KPNB1: variants seen among roughly 807,000 people sequenced by gnomAD.
The protein encoded by KPNB1 is importin subunit beta-1.
Under a neutral mutation model 113.0 loss-of-function variants are expected in KPNB1, and 7 were observed. That is an observed-to-expected ratio of 0.06 (90% CI 0.04 to 0.12). The LOEUF (loss-of-function observed/expected upper bound fraction) is 0.12. KPNB1 is among the 10% of genes least tolerant of loss of function. The pLI is 1.00. For synonymous variants in KPNB1, 363 were observed against 378.6 expected, an observed-to-expected ratio of 0.96 and a Z score of 0.48; for missense variants, 400 against 1,054.8, an observed-to-expected ratio of 0.38 and a Z score of 8.60.
At position 47,664,556 on chromosome 17, in the gene KPNB1, A is replaced by T. The variant is rs1476314084; in HGVS notation, c.897+287A>T. Among the ~76,000 whole-genome samples, 8 of 152,180 alleles carry T rather than the reference A, an allele frequency of 5.3e-5. 1 individual carries two copies. On this transcript the variant is annotated intron_variant, in intron 8 of 21. Coordinates refer to ENST00000290158, the MANE Select transcript of KPNB1 (RefSeq NM_002265.6). ...TCGCAGTTTACCAAGGTGATGCCTG[A>T]TGCTGAATTATTTCCTTTTGGAAGT...
intron 7 of KPNB1, 89 bp from the exon 8 acceptor site, chr17:47,664,070 A>T: frequency 1.4e-6 from 1 of 707,576 alleles, no homozygotes; most frequent in South Asian, 1.7e-5. Context: ...CATTTCTGAA[A>T]TTTGCATGTC....
intron 9 of KPNB1, among the ~76,000 whole-genome samples, chr17:47,666,516 TTTTA>T (rs1236208752): frequency 7.4e-6 from 1 of 135,904 alleles, no homozygotes; most frequent in Non-Finnish European, 1.6e-5. Flanking sequence ...ATATATTATA[TTTTA>T]TATGTATTAT....
Position 47,683,683 on chromosome 17 carries a change from G to A in KPNB1, c.*1279G>A, listed in dbSNP as rs1255239985. ...ATTTGATTGACTACAATGCGGTATTGGTCTCTTGCTGCACTTCAAAAGCAA... is the reference window on the plus strand; with the variant it reads ...ATTTGATTGACTACAATGCGGTATTAGTCTCTTGCTGCACTTCAAAAGCAA... On this transcript the variant is annotated 3_prime_UTR_variant, in exon 22 of 22. Coordinates refer to ENST00000290158, the MANE Select transcript of KPNB1 (RefSeq NM_002265.6). 2.6e-5 allele frequency: 4 copies of A among 151,550 alleles called. No homozygotes were observed. The highest frequency in any genetic ancestry group is 9.8e-5 in the African/African-American group (4 of 41,012). 9.4% of individuals were successfully genotyped at this position (151,550 alleles called of 1,614,324 possible). A position where few individuals can be genotyped will look rare whatever the true frequency, so the allele number is the denominator to read the frequency against.
Position 47,650,456 on chromosome 17 carries a change from C to T in KPNB1, c.99+12C>T, listed in dbSNP as rs753120324. On this transcript the variant is annotated intron_variant, in intron 2 of 21. Transcript: ENST00000290158. ...CCGTGGAGAACCTGGTGCGTGCTAC[C>T]CCGCCGCGCCCATCCCGCCGCGTCC... 3.8e-6 allele frequency: 6 copies of T among 1,596,286 alleles called. No homozygotes were observed. Among genetic ancestry groups the T allele is most frequent in the South Asian group, 1.1e-5 (1 of 88,964 alleles).
chr17:47,655,463 T>A (rs1372122111), intron 3 of KPNB1, among the ~76,000 whole-genome samples: 1 of 152,238 alleles, frequency 6.6e-6, no homozygotes, highest in East Asian at 1.9e-4. Flanking sequence ...GATTAGTTCA[T>A]AGGTGTTATT....
At position 47,678,409 on chromosome 17, in the gene KPNB1, A is replaced by G. The variant is rs750404924; in HGVS notation, c.2349A>G (p.Val783=). ...GATTAAAGGGGGATCAGGAGAACGT[A>G]CACCGTTGAGTATACAACCCAGTTC... ...VQGLKGDQEN[V]HPDVMLVQPR... The change falls in exon 19 of 22, where the codon GTA becomes GTG. Residue 783 remains valine (V), a synonymous_variant. Coordinates refer to ENST00000290158, the MANE Select transcript of KPNB1 (RefSeq NM_002265.6). The G allele has an allele frequency of 1.9e-6, 3 of 1,610,612 alleles. No homozygotes were observed. Among genetic ancestry groups the G allele is most frequent in the Non-Finnish European group, 2.5e-6 (3 of 1,176,822 alleles).
chr17:47,664,919 C>G (rs2085336162), intron 8 of KPNB1, 138 bp from the exon 9 acceptor site: 7 of 671,480 alleles, frequency 1.0e-5, no homozygotes, highest in South Asian at 3.7e-5. Context: ...TAGCACTTTC[C>G]AAGATCACAT....
chr17:47,653,353 A>C (rs1006147932), intron 3 of KPNB1, among the ~76,000 whole-genome samples: 1 of 138,734 alleles, frequency 7.2e-6, no homozygotes, highest in African/African-American at 2.8e-5. Flanking sequence ...GGCTCACTGC[A>C]GCCTCCGCCT....
intron 19 of KPNB1, 70 bp downstream of exon 19, chr17:47,678,483 C>A: frequency 9.6e-7 from 1 of 1,045,636 alleles, no homozygotes; most frequent in South Asian, 1.3e-5. Context: ...CTATGTCTGT[C>A]ATTCTGTAGC....
intron 5 of KPNB1, among the ~76,000 whole-genome samples, chr17:47,658,967 A>G (rs1189116993): frequency 1.3e-5 from 2 of 152,086 alleles, no homozygotes; most frequent in African/African-American, 4.8e-5. Context: ...TACTCCAGCT[A>G]CTTCAGAGGC....
chr17:47,668,114 T>C (rs1247911216), intron 9 of KPNB1, 72 bp from the exon 10 acceptor site: 4 of 1,149,784 alleles, frequency 3.5e-6, no homozygotes, highest in African/African-American at 1.5e-5. Flanking sequence ...CATTCAAGAG[T>C]AGTCAGAGGA....
intron 3 of KPNB1, 138 bp from the exon 4 acceptor site, chr17:47,656,722 C>T (rs1193591659): frequency 2.3e-5 from 18 of 793,284 alleles, no homozygotes; most frequent in Admixed American, 1.2e-4. Flanking sequence ...CACTCCAGTC[C>T]GGGCAACATA....
chr17:47,667,240 C>T (rs112934899), intron 9 of KPNB1, among the ~76,000 whole-genome samples: 82 of 152,240 alleles, frequency 5.4e-4, no homozygotes, highest in African/African-American at 2.0e-3. Flanking sequence ...ATTCTCTTGC[C>T]TCAGCCTCCC....
Position 47,683,742 on chromosome 17 carries a change from G to T in KPNB1, c.*1338G>T. 6.7e-6 allele frequency: 1 copy of T among 149,372 alleles called. No homozygotes were observed. The highest frequency in any genetic ancestry group is 2.1e-4 in the South Asian group (1 of 4,726). 9.3% of individuals were successfully genotyped at this position (149,372 alleles called of 1,614,324 possible). On this transcript the variant is annotated 3_prime_UTR_variant, in exon 22 of 22. Transcript: ENST00000290158. ...ACAAAAACAAAAAAAAGTGTGTGTT[G>T]TGTGAATACACACACACACTAACTA...
rs370124590 is a variant in KPNB1, at chr17:47,682,622, G to A, written c.*218G>A. On this transcript the variant is annotated 3_prime_UTR_variant, in exon 22 of 22. Transcript: ENST00000290158. The stretch of plus-strand genomic sequence containing the variant: ...AGTGAGCTAAGTAAGCACTGACTTC[G>A]TAGAAAACCATAACATCGGCCATCT... The A allele has an allele frequency of 7.1e-4, 393 of 554,154 alleles. 1 individual carries two copies. Among genetic ancestry groups the A allele is most frequent in the Non-Finnish European group, 9.7e-4 (301 of 311,398 alleles). 34.3% of individuals were successfully genotyped at this position (554,154 alleles called of 1,614,324 possible).
At chr17:47,679,943 C>T (rs1247497199) in intron 19 of KPNB1, 77 bp from the exon 20 acceptor site, 8 of 845,054 alleles carry the variant, frequency 9.5e-6, no homozygotes, top group East Asian at 4.9e-5. Flanking sequence ...GTGATCCACC[C>T]GCCTGGGCCT....
At chr17:47,653,938 C>A (rs1915649704) in intron 3 of KPNB1, among the ~76,000 whole-genome samples, 1 of 152,162 alleles carries the variant, frequency 6.6e-6, no homozygotes, top group African/African-American at 2.4e-5. Context: ...AATTCCTTCT[C>A]CCTCAGCTAA....
chr17:47,674,490 C>A, intron 14 of KPNB1, 148 bp from the exon 15 acceptor site: 1 of 699,410 alleles, frequency 1.4e-6, no homozygotes, highest in Non-Finnish European at 2.4e-6. Context: ...ATGATTGGTA[C>A]TGTCAATGTT....
In KPNB1 at chr17:47,650,127, GC is replaced by G; in HGVS notation, c.-112del. 4.4e-6 allele frequency: 3 copies of G among 686,056 alleles called. No individual in the cohort carries two copies. The highest frequency in any genetic ancestry group is 3.5e-5 in the African/African-American group (1 of 28,712). 42.5% of individuals were successfully genotyped at this position (686,056 alleles called of 1,614,324 possible). On this transcript the variant is annotated 5_prime_UTR_variant, in exon 1 of 22. Transcript: ENST00000290158. ...GGTGAATGGGTTTGTGGTGACCCCC[GC>G]CCCCCACCCCACCCTCCCTTCCCAC...
Sources: gnomAD v4.1 joint callset for allele counts (sites outside exome capture counted in the v4.1 genomes callset) on GRCh38, gnomAD v4.1.1 for gene constraint, MANE v1.5 for transcripts, NCBI Gene and HGNC (gene_info 2026-07-23, HGNC 2026-07-21) for gene names.